Variants in NLK observed in about 807,000 individuals in gnomAD.
NLK encodes the protein nemo like kinase.
A neutral mutation model predicts 59.0 loss-of-function variants in NLK; 11 were observed. The observed-to-expected ratio is 0.19, with a 90% confidence interval of 0.12 to 0.31. NLK has a LOEUF of 0.31. Among genes scored for constraint, NLK ranks in the 10% least tolerant of loss-of-function variants. NLK has a pLI of 1.00. For synonymous variants in NLK, 235 were observed against 235.9 expected (o/e 1.00, Z 0.03); for missense variants, 410 against 661.1 (o/e 0.62, Z 4.16).
intron 1 of NLK, among the ~76,000 whole-genome samples, chr17:28,088,310 T>C (rs1904355941): frequency 6.6e-6 from 1 of 152,224 alleles, no homozygotes; most frequent in African/African-American, 2.4e-5. Flanking sequence ...TAGACATTGA[T>C]GATTAATACC....
intron 1 of NLK, among the ~76,000 whole-genome samples, chr17:28,071,353 A>T (rs115622100): frequency 1.3e-5 from 2 of 152,082 alleles, no homozygotes; most frequent in Admixed American, 6.5e-5. Context: ...TTATTGGAAG[A>T]TGTCAACTCT....
chr17:28,133,732 C>G (rs145200775), intron 3 of NLK, among the ~76,000 whole-genome samples: 31 of 152,220 alleles, frequency 2.0e-4, no homozygotes, highest in Non-Finnish European at 4.4e-4. Context: ...TATTCAAACT[C>G]TAGGCTTTTT....
chr17:28,146,993 C>T (rs1907282464), intron 3 of NLK, among the ~76,000 whole-genome samples: 1 of 152,164 alleles, frequency 6.6e-6, no homozygotes, highest in African/African-American at 2.4e-5. Context: ...TAAATTTCAG[C>T]TGTTTTCAGT....
intron 1 of NLK, among the ~76,000 whole-genome samples, chr17:28,059,706 T>A (rs1391728174): frequency 2.0e-5 from 3 of 152,162 alleles, no homozygotes; most frequent in Non-Finnish European, 4.4e-5. Context: ...TCCAGTGGTA[T>A]GGTGGCATAT....
At chr17:28,125,037 A>G (rs1014624185) in intron 2 of NLK, among the ~76,000 whole-genome samples, 1 of 151,962 alleles carries the variant, frequency 6.6e-6, no homozygotes, top group Non-Finnish European at 1.5e-5. Flanking sequence ...ACAGAGCAAG[A>G]TATCACCTCA....
Position 28,043,064 on chromosome 17 carries a change from T to C in NLK, c.191T>C (p.Val64Ala), listed in dbSNP as rs974900188. 8.3e-6 allele frequency: 13 copies of C among 1,565,936 alleles called. No individual in the cohort carries two copies. The highest frequency in any genetic ancestry group is 1.7e-4 in the Middle Eastern group (1 of 6,010). The change falls in exon 1 of 11, where the codon GTA becomes GCA. Residue 64 changes from valine (V) to alanine (A), a missense_variant. Physicochemically the swap from Val to Ala is moderately conservative, Grantham distance 64. This residue lies in a region of NLK where 160 missense variants were observed against 171.0 expected (regional missense o/e 0.94). Transcript: ENST00000407008. ...HPGSAAAVHP[V>A]QQHTSSAAAA... ...GGGTCGGCTGCCGCTGTACACCCTG[T>C]ACAGCAGCACACCTCTTCGGCAGCT...
At chr17:28,201,631 C>T in the NLK span, among the ~76,000 whole-genome samples, 3 of 152,104 alleles carry the variant, frequency 2.0e-5, no homozygotes, top group Non-Finnish European at 4.4e-5. Context: ...ATGCTATAGT[C>T]AGGTGAGATT....
At chr17:28,153,283 A>C (rs1312988788) in intron 3 of NLK, among the ~76,000 whole-genome samples, 5 of 152,076 alleles carry the variant, frequency 3.3e-5, no homozygotes, top group Non-Finnish European at 7.4e-5. Flanking sequence ...TCAAAAAAAA[A>C]AAAAAAGCTC....
chr17:28,046,112 T>G (rs747872429), intron 1 of NLK, among the ~76,000 whole-genome samples: 4 of 152,232 alleles, frequency 2.6e-5, no homozygotes, highest in Non-Finnish European at 5.9e-5. Context: ...AAAAGTGGCA[T>G]GCAATTTTGA....
intron 2 of NLK, among the ~76,000 whole-genome samples, chr17:28,123,493 T>C (rs902916335): frequency 4.6e-5 from 7 of 152,196 alleles, no homozygotes; most frequent in African/African-American, 1.4e-4. Context: ...AAAGCAAATA[T>C]TGATATTTAG....
At chr17:28,203,832 C>G in the NLK span, among the ~76,000 whole-genome samples, 1 of 152,210 alleles carries the variant, frequency 6.6e-6, no homozygotes, top group African/African-American at 2.4e-5. Flanking sequence ...CCACTGCGCC[C>G]GGCCCTGTTG....
At chr17:28,067,011 G>T (rs115574155) in intron 1 of NLK, among the ~76,000 whole-genome samples, 2 of 151,976 alleles carry the variant, frequency 1.3e-5, no homozygotes, top group African/African-American at 2.4e-5. Flanking sequence ...TTTCAGATAC[G>T]TGATTTGCAA....
At chr17:28,077,139 T>C (rs1910196922) in intron 1 of NLK, among the ~76,000 whole-genome samples, 1 of 139,564 alleles carries the variant, frequency 7.2e-6, no homozygotes, top group Non-Finnish European at 1.5e-5. Flanking sequence ...ACAAACCTCC[T>C]TTCCCTGCCT....
In NLK at chr17:28,172,619, G is replaced by A; in HGVS notation, c.1149+1G>A. Reference sequence around the variant, plus strand: ...TATACTCAGGGGTCCTCATAAACAGGTGAGAGGAGGGGGGAATCTTTTTCT... The same window carrying A: ...TATACTCAGGGGTCCTCATAAACAGATGAGAGGAGGGGGGAATCTTTTTCT... On this transcript the variant is annotated splice_donor_variant, in intron 7 of 10. Transcript: ENST00000407008. LOFTEE classifies it high-confidence loss of function. 1 of 1,523,280 alleles carries A rather than the reference G, an allele frequency of 6.6e-7. No homozygotes were observed. Among genetic ancestry groups the A allele is most frequent in the Non-Finnish European group, 8.9e-7 (1 of 1,129,238 alleles). 94.4% of individuals were successfully genotyped at this position (1,523,280 alleles called of 1,614,324 possible).
intron 3 of NLK, among the ~76,000 whole-genome samples, chr17:28,133,651 T>C (rs1488247955): frequency 1.3e-5 from 2 of 152,192 alleles, no homozygotes; most frequent in Non-Finnish European, 2.9e-5. Context: ...CACATTTAAC[T>C]TGGTAAAGCT....
chr17:28,107,888 G>C (rs1034892094), intron 1 of NLK, among the ~76,000 whole-genome samples: 2 of 152,080 alleles, frequency 1.3e-5, no homozygotes, highest in African/African-American at 4.8e-5. Flanking sequence ...AAGAAAATTA[G>C]TGAAAATCAT....
At chr17:28,090,154 G>A (rs1278663975) in intron 1 of NLK, among the ~76,000 whole-genome samples, 1 of 152,062 alleles carries the variant, frequency 6.6e-6, no homozygotes, top group East Asian at 1.9e-4. Context: ...TAAGTATATG[G>A]TATACATCTT....
intron 7 of NLK, among the ~76,000 whole-genome samples, chr17:28,182,376 C>CT (rs2142066534): frequency 6.6e-6 from 1 of 152,258 alleles, no homozygotes; most frequent in East Asian, 1.9e-4. Flanking sequence ...GATTCTGAGG[C>CT]TATGACCAAG....
At chr17:28,108,289 A>G (rs1444291582) in intron 1 of NLK, among the ~76,000 whole-genome samples, 4 of 152,206 alleles carry the variant, frequency 2.6e-5, no homozygotes, top group African/African-American at 4.8e-5. Flanking sequence ...AGGGTTTTTC[A>G]TATATATTTG....
Sources: allele counts gnomAD v4.1 joint callset (sites outside exome capture counted in the v4.1 genomes callset), GRCh38; gene constraint gnomAD v4.1.1; regional missense constraint gnomAD v4.1.1; transcripts MANE v1.5; gene names NCBI Gene and HGNC (gene_info 2026-07-23, HGNC 2026-07-21).